The following SLC9A3 variants were observed in gnomAD, a reference collection of about 807,000 sequenced individuals.
SLC9A3 encodes solute carrier family 9 member A3.
Under a neutral mutation model 86.8 loss-of-function variants are expected in SLC9A3, and 37 were observed. The ratio of observed to expected loss-of-function variants is 0.43; its 90% confidence interval spans 0.33 to 0.56. SLC9A3 has a LOEUF of 0.56. Ranked by LOEUF, SLC9A3 falls within the 20% of genes least tolerant of loss-of-function variation. The pLI, the probability that SLC9A3 is intolerant of heterozygous loss-of-function variation, is 0.06. For synonymous variants in SLC9A3, 581 were observed against 528.3 expected, an observed-to-expected ratio of 1.10 and a Z score of -1.37; for missense variants, 1,011 against 1,171.9, an observed-to-expected ratio of 0.86 and a Z score of 2.00.
At chr5:509,474 G>A (rs1276751898) in intron 1 of SLC9A3, among the ~76,000 whole-genome samples, 1 of 139,390 alleles carries the variant, frequency 7.2e-6, no homozygotes, top group East Asian at 2.1e-4. Context: ...AGGGAGGGAA[G>A]GAGGGAGGGA....
chr5:498,797 C>T (rs572800637), intron 1 of SLC9A3, among the ~76,000 whole-genome samples: 24 of 152,336 alleles, frequency 1.6e-4, no homozygotes, highest in African/African-American at 5.1e-4. Context: ...CTGCTGGCCT[C>T]GGCTGCCTCT....
chr5:476,300 T>TGGTCCTGTGGAAGATTTCCC lies in SLC9A3; in HGVS notation c.1949_1968dup (p.Met657GlyfsTer81). The TGGTCCTGTGGAAGATTTCCC allele has an allele frequency of 6.2e-7, 1 of 1,613,974 alleles. No homozygotes were observed. Among genetic ancestry groups the TGGTCCTGTGGAAGATTTCCC allele is most frequent in the Non-Finnish European group, 8.5e-7 (1 of 1,179,986 alleles). On this transcript the variant is annotated frameshift_variant, in exon 13 of 17. Coordinates refer to ENST00000264938, the MANE Select transcript of SLC9A3 (RefSeq NM_004174.4). LOFTEE classifies it high-confidence loss of function. ...TTGAAGGACTCCAGGCGCTTCCGCA[T>TGGTCCTGTGGAAGATTTCCC]GGTCCTGTGGAAGATTTCCCGGTCC...
intron 1 of SLC9A3, among the ~76,000 whole-genome samples, chr5:523,098 GCAAACA>G (rs2126663512): frequency 6.6e-6 from 1 of 152,288 alleles, no homozygotes; most frequent in Admixed American, 6.5e-5. Context: ...GAGACAGAAA[GCAAACA>G]CACAAGGGGC....
At position 472,004 on chromosome 5, in the gene SLC9A3, T is replaced by TGCG; in HGVS notation, c.*1372_*1374dup. The TGCG allele has an allele frequency of 4.4e-6, 2 of 456,674 alleles. No individual in the cohort carries two copies. The highest frequency in any genetic ancestry group is 6.5e-4 in the Middle Eastern group (2 of 3,076). 28.3% of individuals were successfully genotyped at this position (456,674 alleles called of 1,614,324 possible). On this transcript the variant is annotated 3_prime_UTR_variant, in exon 17 of 17. Coordinates refer to ENST00000264938, the MANE Select transcript of SLC9A3 (RefSeq NM_004174.4). ...AGTTTAATTTTCCTGAGCAAGGAGCTGCGAGTCTAGCTTTAGAAAAGCCCC... is the reference window on the plus strand; with the variant it reads ...AGTTTAATTTTCCTGAGCAAGGAGCTGCGGCGAGTCTAGCTTTAGAAAAGCCCC...
Position 476,603 on chromosome 5 carries a change from G to A in SLC9A3, c.1830C>T (p.Asp610=), listed in dbSNP as rs779024014. Reference sequence around the variant, plus strand: ...TGTGGTGCGTGACCATGTCCTCCGCGTCCCGGATGCTCCGCCGTCGCTGCT... The same window carrying A: ...TGTGGTGCGTGACCATGTCCTCCGCATCCCGGATGCTCCGCCGTCGCTGCT... ...SLEQRRRSIR[D]AEDMVTHHTL... Residue 610 remains aspartate (D), a synonymous_variant, in exon 12 of 17, where the codon GAC becomes GAT. Coordinates refer to ENST00000264938, the MANE Select transcript of SLC9A3 (RefSeq NM_004174.4). 18 of 1,610,650 alleles carry A rather than the reference G, an allele frequency of 1.1e-5. No individual in the cohort carries two copies. The highest frequency in any genetic ancestry group is 2.2e-5 in the East Asian group (1 of 44,872).
chr5:519,224 GT>G (rs1733816128), intron 1 of SLC9A3, among the ~76,000 whole-genome samples: 1 of 152,136 alleles, frequency 6.6e-6, no homozygotes, highest in Admixed American at 6.5e-5. Flanking sequence ...CCACTCACTG[GT>G]CCTCTCCTGG....
intron 1 of SLC9A3, among the ~76,000 whole-genome samples, chr5:501,761 G>A (rs556636970): frequency 1.4e-3 from 215 of 152,330 alleles, no homozygotes; most frequent in African/African-American, 4.9e-3. Flanking sequence ...TAAATGTGTC[G>A]GCCGTCAAGC....
intron 1 of SLC9A3, among the ~76,000 whole-genome samples, chr5:498,317 G>A (rs1740122128): frequency 6.6e-6 from 1 of 152,072 alleles, no homozygotes; most frequent in Non-Finnish European, 1.5e-5. Context: ...GTACGGGCGG[G>A]ACTCCTTCTG....
chr5:522,749 A>G lies in SLC9A3; in HGVS notation c.211+1363T>C, dbSNP rs375365462. ...AGCAAAATTCTATCTCAAAAAAAAA[A>G]AAAAAAGAAAAAAAAAGAAATTACC... On this transcript the variant is annotated intron_variant, in intron 1 of 16. Transcript: ENST00000264938. 5.3e-3 allele frequency among the ~76,000 whole-genome samples: 811 copies of G among 151,952 alleles called. 10 individuals are homozygous for G. Among genetic ancestry groups the G allele is most frequent in the African/African-American group, 0.018 (734 of 41,464 alleles).
At chr5:483,049 C>T (rs1450791054) in intron 6 of SLC9A3, among the ~76,000 whole-genome samples, 1 of 152,048 alleles carries the variant, frequency 6.6e-6, no homozygotes, top group Non-Finnish European at 1.5e-5. Context: ...TGTCTTGAGG[C>T]ACATCCAGTG....
chr5:478,454 G>C, intron 10 of SLC9A3: 1 of 34,836 alleles, frequency 2.9e-5, no homozygotes, highest in South Asian at 5.9e-4. Context: ...CCTGCCGTGG[G>C]GTGGGGGGGC....
chr5:491,748 G>A lies in SLC9A3; in HGVS notation c.514+21C>T, dbSNP rs1210219407. ...GGACCCCACCCTGATCCCGGCCGGGGCAACAGTGGCGCAGACTCACCCATG... is the reference window on the plus strand; with the variant it reads ...GGACCCCACCCTGATCCCGGCCGGGACAACAGTGGCGCAGACTCACCCATG... On this transcript the variant is annotated intron_variant, in intron 2 of 16. Transcript: ENST00000264938. The surrounding 1 kb of genome is among the most constrained non-coding windows in gnomAD (Gnocchi z 9.2). 2 of 1,497,776 alleles carry A rather than the reference G, an allele frequency of 1.3e-6. No individual in the cohort carries two copies. The highest frequency in any genetic ancestry group is 1.8e-6 in the Non-Finnish European group (2 of 1,113,622). 92.8% of individuals were successfully genotyped at this position (1,497,776 alleles called of 1,614,324 possible).
chr5:504,616 G>A (rs1740461546), intron 1 of SLC9A3, among the ~76,000 whole-genome samples: 1 of 152,242 alleles, frequency 6.6e-6, no homozygotes, highest in African/African-American at 2.4e-5. Flanking sequence ...TGAGCCCAGA[G>A]GGCTCGGGGT....
rs1387304691 is a variant in SLC9A3, at chr5:472,194, T to C, written c.*1185A>G. 25 of 363,578 alleles carry C rather than the reference T, an allele frequency of 6.9e-5. No homozygotes were observed. The highest frequency in any genetic ancestry group is 1.2e-4 in the Non-Finnish European group (22 of 185,434). The allele number at this position is 363,578 out of a possible 1,614,324, so 22.5% of individuals were successfully genotyped here. On this transcript the variant is annotated 3_prime_UTR_variant, in exon 17 of 17. Coordinates refer to ENST00000264938, the MANE Select transcript of SLC9A3 (RefSeq NM_004174.4). ...GGACTGTGCCTCCCAGAGCTTGGGC[T>C]GGATGGTCTCCCTGCAGAGGACCAG...
chr5:523,836 G>A (rs1177163385), intron 1 of SLC9A3, among the ~76,000 whole-genome samples: 1 of 152,214 alleles, frequency 6.6e-6, no homozygotes, highest in African/African-American at 2.4e-5. Context: ...TCGGAGCGGA[G>A]GCGGGGCGGA....
In SLC9A3 at chr5:482,044, C is replaced by CT. The variant is rs779179289; in HGVS notation, c.1446+23_1446+24insA. On this transcript the variant is annotated intron_variant, in intron 8 of 16. Transcript: ENST00000264938. Reference sequence around the variant, plus strand: ...CCCGAGGAACACGCAGTGCCCCCCCCCCGCCCCCCAGCCCCGCACTTACGC... The same window carrying CT: ...CCCGAGGAACACGCAGTGCCCCCCCCTCCGCCCCCCAGCCCCGCACTTACGC... The CT allele has an allele frequency of 1.6e-5, 10 of 630,080 alleles. No individual in the cohort carries two copies. In the East Asian group the frequency reaches 2.0e-4, roughly 13 times the overall value. 39.0% of individuals were successfully genotyped at this position (630,080 alleles called of 1,614,324 possible). A position where few individuals can be genotyped will look rare whatever the true frequency, so the allele number is the denominator to read the frequency against.
At chr5:490,353 G>T (rs2126628476) in intron 2 of SLC9A3, among the ~76,000 whole-genome samples, 1 of 152,260 alleles carries the variant, frequency 6.6e-6, no homozygotes, top group African/African-American at 2.4e-5. Context: ...GGGCAGGGGA[G>T]GGCCAGGGGT....
At chr5:503,998 C>T (rs1740426801) in intron 1 of SLC9A3, among the ~76,000 whole-genome samples, 1 of 151,906 alleles carries the variant, frequency 6.6e-6, no homozygotes, top group Non-Finnish European at 1.5e-5. Context: ...TCACACTTCA[C>T]CCTCTCTTCT....
intron 3 of SLC9A3, among the ~76,000 whole-genome samples, chr5:488,086 A>G (rs1410006417): frequency 1.3e-5 from 2 of 152,184 alleles, no homozygotes; most frequent in Non-Finnish European, 2.9e-5. Context: ...CCCTGAAGCT[A>G]TGGAGTGGGC....
Sources: gnomAD v4.1 joint callset for allele counts (sites outside exome capture counted in the v4.1 genomes callset) on GRCh38, gnomAD v4.1.1 for gene constraint, Gnocchi (gnomAD v3.1) non-coding constraint, MANE v1.5 for transcripts, NCBI Gene and HGNC (gene_info 2026-07-23, HGNC 2026-07-21) for gene names.